Variants in FHIT observed in about 807,000 individuals in gnomAD.
FHIT encodes the protein bis(5'-adenosyl)-triphosphatase.
Under a neutral mutation model 17.9 loss-of-function variants are expected in FHIT, and 19 were observed. That is an observed-to-expected ratio of 1.06 (90% CI 0.74 to 1.56). The LOEUF (loss-of-function observed/expected upper bound fraction) is 1.56, where lower values mean the gene tolerates loss of function less well. FHIT is among the 40% of genes most tolerant of loss of function. The pLI is 0.00. For synonymous variants in FHIT, 81 were observed against 69.7 expected, an observed-to-expected ratio of 1.16 and a Z score of -0.81; for missense variants, 248 against 189.2, an observed-to-expected ratio of 1.31 and a Z score of -1.82.
intron 1 of FHIT, among the ~76,000 whole-genome samples, chr3:61,250,027 C>A (rs570273369): frequency 1.3e-5 from 2 of 150,864 alleles, no homozygotes; most frequent in African/African-American, 4.9e-5. Flanking sequence ...TATTTCTAGT[C>A]CAGGTTGCAG....
intron 8 of FHIT, among the ~76,000 whole-genome samples, chr3:59,907,841 T>C (rs530533770): frequency 1.6e-4 from 25 of 152,354 alleles, no homozygotes; most frequent in African/African-American, 4.6e-4. Flanking sequence ...GCATTCCTTT[T>C]TGGAGGCTCT....
intron 8 of FHIT, among the ~76,000 whole-genome samples, chr3:59,797,190 T>A (rs1210996933): frequency 1.8e-5 from 2 of 113,706 alleles, no homozygotes; most frequent in East Asian, 4.5e-4. Context: ...GATATTACAA[T>A]TTTTTTTTTT....
intron 8 of FHIT, among the ~76,000 whole-genome samples, chr3:59,894,729 C>A (rs956250200): frequency 1.3e-5 from 2 of 152,182 alleles, no homozygotes; most frequent in Admixed American, 1.3e-4. Flanking sequence ...GCAAAGTGAT[C>A]AATTTGGTAC....
chr3:60,766,753 C>T (rs1428638952), intron 4 of FHIT, among the ~76,000 whole-genome samples: 1 of 152,122 alleles, frequency 6.6e-6, no homozygotes, highest in Admixed American at 6.5e-5. Context: ...GATCTTTCTC[C>T]CCACATCACC....
At chr3:60,893,922 T>A (rs896156428) in intron 3 of FHIT, among the ~76,000 whole-genome samples, 1 of 152,052 alleles carries the variant, frequency 6.6e-6, no homozygotes, top group Admixed American at 6.5e-5. Context: ...CCCAGAAGGG[T>A]GGTATACAAT....
chr3:60,908,085 T>C (rs1195914311), intron 3 of FHIT, among the ~76,000 whole-genome samples: 2 of 152,218 alleles, frequency 1.3e-5, no homozygotes, highest in African/African-American at 2.4e-5. Flanking sequence ...AATCTTATGA[T>C]TACATGCAAC....
At chr3:61,117,689 C>A (rs1175008195) in intron 2 of FHIT, among the ~76,000 whole-genome samples, 3 of 152,190 alleles carry the variant, frequency 2.0e-5, no homozygotes, top group African/African-American at 4.8e-5. Context: ...AATGTCATCT[C>A]CCCTGAGCTT....
At chr3:60,942,670 T>C (rs1708469055) in intron 3 of FHIT, among the ~76,000 whole-genome samples, 1 of 152,192 alleles carries the variant, frequency 6.6e-6, no homozygotes, top group Non-Finnish European at 1.5e-5. Flanking sequence ...CGGTTGATCT[T>C]CTCTACTGTT....
At chr3:60,267,859 T>C (rs896721163) in intron 5 of FHIT, among the ~76,000 whole-genome samples, 6 of 152,218 alleles carry the variant, frequency 3.9e-5, no homozygotes, top group Admixed American at 3.9e-4. Flanking sequence ...AGCCTAAATC[T>C]TGTAAAACTT....
intron 8 of FHIT, among the ~76,000 whole-genome samples, chr3:59,880,533 C>T (rs1437896181): frequency 6.6e-6 from 1 of 152,180 alleles, no homozygotes; most frequent in African/African-American, 2.4e-5. Context: ...ACTGACTAGC[C>T]TTGAATCTAG....
At chr3:60,388,462 C>T (rs1326788187) in intron 5 of FHIT, among the ~76,000 whole-genome samples, 2 of 151,956 alleles carry the variant, frequency 1.3e-5, no homozygotes, top group Non-Finnish European at 2.9e-5. Flanking sequence ...ATTAGCAGGG[C>T]CTGGTGGTCA....
intron 4 of FHIT, among the ~76,000 whole-genome samples, chr3:60,643,198 C>T (rs1388733332): frequency 3.3e-5 from 5 of 152,206 alleles, no homozygotes; most frequent in Admixed American, 6.5e-5. Flanking sequence ...AGACCATCTA[C>T]GTTTTTCCCT....
At chr3:60,264,586 G>T (rs1034661595) in intron 5 of FHIT, among the ~76,000 whole-genome samples, 1 of 151,920 alleles carries the variant, frequency 6.6e-6, no homozygotes, top group Non-Finnish European at 1.5e-5. Flanking sequence ...AGAGTTAATA[G>T]AGAGTTAATA....
intron 5 of FHIT, among the ~76,000 whole-genome samples, chr3:60,511,461 T>C (rs1429161330): frequency 1.3e-5 from 2 of 152,154 alleles, no homozygotes; most frequent in Admixed American, 1.3e-4. Context: ...CCATTTATCT[T>C]TAATCAAAAA....
At chr3:60,278,481 G>A (rs146787538) in intron 5 of FHIT, among the ~76,000 whole-genome samples, 3,441 of 152,254 alleles carry the variant, frequency 0.023, 61 homozygotes, top group Middle Eastern at 0.058. Context: ...AAACTGAGAT[G>A]TAATCATAAT....
At chr3:60,628,848 G>A (rs1006656633) in intron 4 of FHIT, among the ~76,000 whole-genome samples, 3 of 152,132 alleles carry the variant, frequency 2.0e-5, no homozygotes, top group Non-Finnish European at 2.9e-5. Context: ...AGCAAAATCT[G>A]AGCCTGGAGC....
intron 7 of FHIT, among the ~76,000 whole-genome samples, chr3:60,005,735 T>C (rs916220805): frequency 6.6e-6 from 1 of 152,210 alleles, no homozygotes; most frequent in Non-Finnish European, 1.5e-5. Flanking sequence ...CAGGGCACTG[T>C]TCACCATGGC....
chr3:61,218,021 AG>A (rs1180259580), intron 1 of FHIT, among the ~76,000 whole-genome samples: 3 of 152,206 alleles, frequency 2.0e-5, no homozygotes, highest in African/African-American at 7.2e-5. Context: ...TTGAATTTGA[AG>A]TGCCTTAGAG....
intron 5 of FHIT, among the ~76,000 whole-genome samples, chr3:60,233,803 C>G (rs1047373321): frequency 3.3e-5 from 5 of 152,074 alleles, no homozygotes; most frequent in Non-Finnish European, 7.4e-5. Context: ...CCCACAGGAT[C>G]TGATGGTTTT....
Sources: gnomAD v4.1 joint callset for allele counts (sites outside exome capture counted in the v4.1 genomes callset) on GRCh38, gnomAD v4.1.1 for gene constraint, MANE v1.5 for transcripts, NCBI Gene and HGNC (gene_info 2026-07-23, HGNC 2026-07-21) for gene names.